Variants in RBFOX3 observed in about 807,000 individuals in gnomAD.
RBFOX3 encodes the protein RNA binding protein fox-1 homolog 3.
Under a neutral mutation model 48.7 loss-of-function variants are expected in RBFOX3, and 17 were observed. The observed-to-expected ratio is 0.35, with a 90% confidence interval of 0.24 to 0.52. The LOEUF (loss-of-function observed/expected upper bound fraction) is 0.52. RBFOX3 is among the 20% of genes least tolerant of loss of function. RBFOX3 has a pLI of 0.94. For missense variants in RBFOX3, 382 were observed against 497.5 expected (o/e 0.77, Z 2.21); for synonymous variants, 212 against 209.5 (o/e 1.01, Z -0.10).
the RBFOX3 span, among the ~76,000 whole-genome samples, chr17:79,616,874 G>A: frequency 6.6e-6 from 1 of 152,212 alleles, no homozygotes; most frequent in African/African-American, 2.4e-5. Context: ...TCCATGGAAT[G>A]TAGGTCACAA....
At chr17:79,658,070 C>T in the RBFOX3 span, among the ~76,000 whole-genome samples, 1 of 152,044 alleles carries the variant, frequency 6.6e-6, no homozygotes, top group Non-Finnish European at 1.5e-5. Flanking sequence ...TTCAGTGGCC[C>T]CAACACAAGC....
At chr17:79,124,862 C>T (rs759534287) in intron 4 of RBFOX3, among the ~76,000 whole-genome samples, 18 of 151,826 alleles carry the variant, frequency 1.2e-4, no homozygotes, top group Non-Finnish European at 2.4e-4. Flanking sequence ...CCTGGTTGCC[C>T]ACTGGGAGGC....
chr17:79,134,749 C>G (rs1431102489), intron 4 of RBFOX3, among the ~76,000 whole-genome samples: 1 of 152,176 alleles, frequency 6.6e-6, no homozygotes, highest in African/African-American at 2.4e-5. Flanking sequence ...GGCAGTTCCC[C>G]CCTGCGCCTG....
chr17:79,248,546 C>T (rs1000812963), intron 3 of RBFOX3, among the ~76,000 whole-genome samples: 2 of 152,244 alleles, frequency 1.3e-5, no homozygotes, highest in Admixed American at 1.3e-4. Context: ...TGTTAAACTG[C>T]ACTCCCCAAC....
rs147567164 is a variant in RBFOX3, at chr17:79,104,172, C to T, written c.361-46G>A. The T allele has an allele frequency of 2.7e-4, 400 of 1,473,922 alleles. 3 individuals carry two copies. The African/African-American group carries it at 4.7e-3, about 17-fold the overall frequency. 91.3% of individuals were successfully genotyped at this position (1,473,922 alleles called of 1,614,324 possible). A position where few individuals can be genotyped will look rare whatever the true frequency, so the allele number is the denominator to read the frequency against. ...AGGGAGTGGGGCAGACAGGAAAGTGCGGGTTAAGACTGCTGGCCCAGCTGC... is the reference window on the plus strand; with the variant it reads ...AGGGAGTGGGGCAGACAGGAAAGTGTGGGTTAAGACTGCTGGCCCAGCTGC... On this transcript the variant is annotated intron_variant, in intron 6 of 14. Coordinates refer to ENST00000693108, the MANE Select transcript of RBFOX3 (RefSeq NM_001350451.2).
intron 2 of RBFOX3, among the ~76,000 whole-genome samples, chr17:79,420,221 T>TA (rs1241909995): frequency 1.3e-5 from 2 of 151,198 alleles, no homozygotes; most frequent in East Asian, 1.9e-4. Context: ...ATCTGATGTT[T>TA]AAAAAACACA....
At chr17:79,570,988 A>G (rs1314317264) in intron 1 of RBFOX3, among the ~76,000 whole-genome samples, 1 of 152,248 alleles carries the variant, frequency 6.6e-6, no homozygotes, top group Non-Finnish European at 1.5e-5. Context: ...AGAATTTTTT[A>G]TAAAATAGAG....
chr17:79,373,663 TG>T, intron 2 of RBFOX3, among the ~76,000 whole-genome samples: 1 of 152,078 alleles, frequency 6.6e-6, no homozygotes, highest in East Asian at 1.9e-4. Flanking sequence ...ATCATTTTTA[TG>T]TGTGAGTTCC....
At chr17:79,455,587 A>G (rs1236905442) in intron 2 of RBFOX3, among the ~76,000 whole-genome samples, 1 of 151,968 alleles carries the variant, frequency 6.6e-6, no homozygotes, top group Non-Finnish European at 1.5e-5. Flanking sequence ...GTGTGTGCAC[A>G]CACACACACG....
chr17:79,620,627 A>G, the RBFOX3 span, among the ~76,000 whole-genome samples: 1 of 35,788 alleles, frequency 2.8e-5, no homozygotes, highest in Non-Finnish European at 8.1e-5. Context: ...ACGCACATGC[A>G]CACACGCACA....
At chr17:79,336,945 C>A (rs1236748755) in intron 2 of RBFOX3, among the ~76,000 whole-genome samples, 1 of 151,868 alleles carries the variant, frequency 6.6e-6, no homozygotes, top group Non-Finnish European at 1.5e-5. Flanking sequence ...CATGGTGAAA[C>A]CCTGTCTCTA....
chr17:79,342,079 C>T lies in RBFOX3; in HGVS notation c.-174-34255G>A, dbSNP rs543917050. Reference sequence around the variant, plus strand: ...CCAACCTGTCACCTGGCATTAGAGGCGATAAAAGCCATGTGCTTCCCTCAC... The same window carrying T: ...CCAACCTGTCACCTGGCATTAGAGGTGATAAAAGCCATGTGCTTCCCTCAC... On this transcript the variant is annotated intron_variant, in intron 2 of 14. Transcript: ENST00000693108. Among the ~76,000 whole-genome samples the T allele has an allele frequency of 2.0e-5, 3 of 152,308 alleles. No individual in the cohort carries two copies. The South Asian group carries it at 6.2e-4, about 32-fold the overall frequency.
intron 4 of RBFOX3, among the ~76,000 whole-genome samples, chr17:79,215,833 C>T (rs933058359): frequency 1.2e-4 from 19 of 152,376 alleles, no homozygotes; most frequent in Non-Finnish European, 1.8e-4. Flanking sequence ...GGCACACTGC[C>T]GGGCTCAATG....
rs1446302792 is a variant in RBFOX3, at chr17:79,601,590, T to C, written c.-320+9236A>G. On this transcript the variant is annotated intron_variant, in intron 1 of 14. Transcript: ENST00000693108. ...CCAGTGCTCATTACTTTCTGAAAAA[T>C]TATCCTTGGGGGCTGAAATTTTCCT... 6 of 152,338 alleles carry C rather than the reference T, an allele frequency of 3.9e-5. No individual in the cohort carries two copies. The East Asian group carries it at 7.7e-4, about 20-fold the overall frequency. 9.4% of individuals were successfully genotyped at this position (152,338 alleles called of 1,614,324 possible). A position where few individuals can be genotyped will look rare whatever the true frequency, so the allele number is the denominator to read the frequency against.
chr17:79,493,387 G>A (rs563569154), intron 1 of RBFOX3, among the ~76,000 whole-genome samples: 1 of 152,150 alleles, frequency 6.6e-6, no homozygotes, highest in Non-Finnish European at 1.5e-5. Flanking sequence ...TTTCCAGAAG[G>A]AGAGCGTCAG....
intron 2 of RBFOX3, among the ~76,000 whole-genome samples, chr17:79,464,570 A>G (rs1383326578): frequency 6.6e-6 from 1 of 152,128 alleles, no homozygotes; most frequent in African/African-American, 2.4e-5. Context: ...CGCCGGGGGG[A>G]GGCAAGGAGA....
At chr17:79,608,949 C>A (rs1327561329) in intron 1 of RBFOX3, among the ~76,000 whole-genome samples, 1 of 151,616 alleles carries the variant, frequency 6.6e-6, no homozygotes, top group South Asian at 2.1e-4. Flanking sequence ...CGCCCCCACG[C>A]CCCCACCCCG....
At chr17:79,250,186 C>T (rs964664928) in intron 3 of RBFOX3, among the ~76,000 whole-genome samples, 5 of 152,160 alleles carry the variant, frequency 3.3e-5, no homozygotes, top group African/African-American at 1.2e-4. Flanking sequence ...CTACTGGATA[C>T]GGCCTCAGAA....
At chr17:79,239,011 C>T (rs2061988262) in intron 3 of RBFOX3, among the ~76,000 whole-genome samples, 1 of 152,152 alleles carries the variant, frequency 6.6e-6, no homozygotes, top group South Asian at 2.1e-4. Flanking sequence ...TCACGAAATT[C>T]CCTGCACCTC....
Sources: gnomAD v4.1 joint callset for allele counts (sites outside exome capture counted in the v4.1 genomes callset) on GRCh38, gnomAD v4.1.1 for gene constraint, MANE v1.5 for transcripts, NCBI Gene and HGNC (gene_info 2026-07-23, HGNC 2026-07-21) for gene names.